The following ZNF33A variants were observed in gnomAD, a reference collection of about 807,000 sequenced individuals.
ZNF33A encodes brain my041 protein.
A neutral mutation model predicts 15.9 loss-of-function variants in ZNF33A; 9 were observed. That is an observed-to-expected ratio of 0.57 (90% CI 0.34 to 0.99). ZNF33A has a LOEUF of 0.99. Ranked by LOEUF, ZNF33A falls within the 50% of genes least tolerant of loss-of-function variation. The pLI is 0.02. For missense variants in ZNF33A, 843 were observed against 941.6 expected, an observed-to-expected ratio of 0.90 and a Z score of 1.37; for synonymous variants, 294 against 324.2, an observed-to-expected ratio of 0.91 and a Z score of 1.00.
chr10:38,032,231 C>T (rs183579153), intron 4 of ZNF33A, among the ~76,000 whole-genome samples: 3 of 152,006 alleles, frequency 2.0e-5, no homozygotes, highest in African/African-American at 7.2e-5. Context: ...ATTCAAATTA[C>T]TAAAAAAAGT....
chr10:38,018,236 C>T (rs952659379), intron 4 of ZNF33A, among the ~76,000 whole-genome samples: 1 of 152,130 alleles, frequency 6.6e-6, no homozygotes, highest in African/African-American at 2.4e-5. Flanking sequence ...GAATGTGGTA[C>T]TTTAAAGAAC....
At chr10:38,046,035 C>T (rs1025729036) in intron 4 of ZNF33A, among the ~76,000 whole-genome samples, 2 of 152,090 alleles carry the variant, frequency 1.3e-5, no homozygotes, top group Non-Finnish European at 2.9e-5. Context: ...TTCTCAATGA[C>T]CTAGGTGGGC....
chr10:38,067,462 C>G (rs1046249951), downstream of ZNF33A, among the ~76,000 whole-genome samples: 43 of 152,172 alleles, frequency 2.8e-4, no homozygotes, highest in African/African-American at 9.4e-4. Flanking sequence ...GAGTTCAAGA[C>G]AATTCTTTGT....
intron 4 of ZNF33A, among the ~76,000 whole-genome samples, chr10:38,032,132 TAAAAC>T (rs1396788577): frequency 2.0e-5 from 3 of 151,716 alleles, no homozygotes; most frequent in Admixed American, 6.6e-5. Flanking sequence ...TAAAAAAAAA[TAAAAC>T]AAGGGTTGGG....
intron 2 of ZNF33A, among the ~76,000 whole-genome samples, chr10:38,013,101 T>C (rs1377821709): frequency 3.9e-5 from 6 of 152,190 alleles, no homozygotes; most frequent in Non-Finnish European, 8.8e-5. Flanking sequence ...AATTAAAATG[T>C]ATTTTAATTT....
chr10:38,052,533 T>A (rs1342651854), intron 4 of ZNF33A, among the ~76,000 whole-genome samples: 2 of 152,192 alleles, frequency 1.3e-5, no homozygotes, highest in Non-Finnish European at 2.9e-5. Context: ...TTAACATGAC[T>A]TATAGATTCA....
chr10:38,023,879 C>T (rs947179383), intron 4 of ZNF33A, among the ~76,000 whole-genome samples: 2 of 152,092 alleles, frequency 1.3e-5, no homozygotes, highest in Admixed American at 1.3e-4. Flanking sequence ...AAACCTCAGG[C>T]CAGGCGCAGT....
intron 4 of ZNF33A, among the ~76,000 whole-genome samples, chr10:38,050,201 A>C (rs186384016): frequency 6.6e-6 from 1 of 152,364 alleles, no homozygotes; most frequent in East Asian, 1.9e-4. Context: ...AAGACACTGC[A>C]AGGAAAGAAA....
In ZNF33A at chr10:38,054,451, C is replaced by T. The variant is rs1231563880; in HGVS notation, c.327C>T (p.Ile109=). ...QSKHLWEVVF[I]NNEMLTKEQG... ...AACATTTGTGGGAAGTTGTATTCAT[C>T]AATAATGAAATGCTGACTAAGGAAC... Residue 109 remains isoleucine (I), a synonymous_variant, in exon 5 of 5, where the codon ATC becomes ATT. Transcript: ENST00000432900. 1.2e-6 allele frequency: 2 copies of T among 1,609,584 alleles called. No individual in the cohort carries two copies. Among genetic ancestry groups the T allele is most frequent in the Middle Eastern group, 1.7e-4 (1 of 6,012 alleles).
In ZNF33A at chr10:38,057,918, T is replaced by C. The variant is rs2066550772; in HGVS notation, c.*1358T>C. On this transcript the variant is annotated 3_prime_UTR_variant, in exon 5 of 5. Transcript: ENST00000432900. ...GACAGGGATCTGGGCCCTCAGACTT[T>C]TGAGAATATGAAGAGGAGGGTTGAG... The C allele has an allele frequency of 1.0e-6, 1 of 985,356 alleles. No homozygotes were observed. The highest frequency in any genetic ancestry group is 1.1e-4 in the East Asian group (1 of 8,780). The allele number at this position is 985,356 out of a possible 1,614,324, so 61.0% of individuals were successfully genotyped here.
At chr10:38,024,121 C>A in intron 4 of ZNF33A, among the ~76,000 whole-genome samples, 1 of 138,474 alleles carries the variant, frequency 7.2e-6, no homozygotes, top group African/African-American at 2.8e-5. Flanking sequence ...CATTGCATAC[C>A]AGCTTGGGCA....
chr10:38,024,017 G>A (rs777914117), intron 4 of ZNF33A, among the ~76,000 whole-genome samples: 1 of 151,926 alleles, frequency 6.6e-6, no homozygotes, highest in Non-Finnish European at 1.5e-5. Flanking sequence ...AATTAGCCGG[G>A]TGTGGTGGTG....
At chr10:38,043,408 T>C (rs1302006342) in intron 4 of ZNF33A, among the ~76,000 whole-genome samples, 1 of 151,234 alleles carries the variant, frequency 6.6e-6, no homozygotes, top group African/African-American at 2.4e-5. Flanking sequence ...AATGACGAGT[T>C]AATGGGTGCA....
At chr10:38,012,651 C>G (rs1320425065) in intron 2 of ZNF33A, among the ~76,000 whole-genome samples, 2 of 152,078 alleles carry the variant, frequency 1.3e-5, no homozygotes, top group African/African-American at 4.8e-5. Flanking sequence ...AGGCTGGTCG[C>G]AAACTCCTGA....
At position 38,056,694 on chromosome 10, in the gene ZNF33A, A is replaced by G. The variant is rs944048497; in HGVS notation, c.*134A>G. 10 of 1,274,448 alleles carry G rather than the reference A, an allele frequency of 7.8e-6. No homozygotes were observed. The Middle Eastern group carries it at 1.1e-3, about 143-fold the overall frequency. The allele number at this position is 1,274,448 out of a possible 1,614,324, so 78.9% of individuals were successfully genotyped here. On this transcript the variant is annotated 3_prime_UTR_variant, in exon 5 of 5. Transcript: ENST00000432900. ...ATCAGATGGTTAATACGGGCATAACACCTTACAGATTTTTTTTGAATTTGT... is the reference window on the plus strand; with the variant it reads ...ATCAGATGGTTAATACGGGCATAACGCCTTACAGATTTTTTTTGAATTTGT...
At chr10:38,064,844 A>G (rs1408709094), downstream of ZNF33A, 1 of 151,950 alleles carries the variant, frequency 6.6e-6, no homozygotes, top group Non-Finnish European at 1.5e-5. Flanking sequence ...ATGTGAAGGG[A>G]CCTCTGATGA....
At chr10:38,063,636 GTAGA>G (rs1381355962), downstream of ZNF33A, among the ~76,000 whole-genome samples, 2 of 152,166 alleles carry the variant, frequency 1.3e-5, no homozygotes, top group Non-Finnish European at 2.9e-5. Flanking sequence ...CCAATCATTG[GTAGA>G]TAGATAGTGA....
intron 4 of ZNF33A, among the ~76,000 whole-genome samples, chr10:38,030,318 A>G (rs2065159004): frequency 6.6e-6 from 1 of 152,204 alleles, no homozygotes; most frequent in East Asian, 1.9e-4. Flanking sequence ...TTTATGGGTA[A>G]TAGCCCAAAC....
chr10:38,016,716 T>C, intron 2 of ZNF33A, 155 bp from the exon 3 acceptor site: 1 of 840,064 alleles, frequency 1.2e-6, no homozygotes, highest in Non-Finnish European at 1.8e-6. Context: ...TTCTTTTGCA[T>C]GAATTAATAT....
Sources: gnomAD v4.1 joint callset for allele counts (sites outside exome capture counted in the v4.1 genomes callset) on GRCh38, gnomAD v4.1.1 for gene constraint, MANE v1.5 for transcripts, NCBI Gene and HGNC (gene_info 2026-07-23, HGNC 2026-07-21) for gene names.